The following IRF2 variants were observed in gnomAD, a reference collection of about 807,000 sequenced individuals.
The protein encoded by IRF2 is interferon regulatory factor 2.
In IRF2, 15 loss-of-function variants were observed where a neutral mutation model predicts 40.6. The observed-to-expected ratio is 0.37, with a 90% CI of 0.25 to 0.57. The LOEUF is 0.57. Among genes scored for constraint, IRF2 ranks in the 20% least tolerant of loss-of-function variants. IRF2 has a pLI of 0.77. For synonymous variants in IRF2, 151 were observed against 165.5 expected, an observed-to-expected ratio of 0.91 and a Z score of 0.67; for missense variants, 317 against 455.7, an observed-to-expected ratio of 0.70 and a Z score of 2.77.
intron 6 of IRF2, among the ~76,000 whole-genome samples, chr4:184,402,235 G>C (rs748017843): frequency 7.2e-5 from 11 of 152,220 alleles, no homozygotes; most frequent in Non-Finnish European, 1.5e-4. Context: ...GAGAAGTGGG[G>C]TGTTTTTTCC....
chr4:184,430,938 C>G (rs1365679916), intron 1 of IRF2, among the ~76,000 whole-genome samples: 1 of 152,168 alleles, frequency 6.6e-6, no homozygotes, highest in Non-Finnish European at 1.5e-5. Flanking sequence ...TCAAGCAGTC[C>G]TCCCACCTTG....
At chr4:184,395,281 T>C (rs543274637) in intron 7 of IRF2, among the ~76,000 whole-genome samples, 10 of 151,890 alleles carry the variant, frequency 6.6e-5, no homozygotes, top group East Asian at 3.9e-4. Context: ...GGCTTGGTTG[T>C]GGGTGCCTGT....
chr4:184,422,778 C>T (rs758372933), intron 2 of IRF2, among the ~76,000 whole-genome samples: 2 of 152,122 alleles, frequency 1.3e-5, no homozygotes, highest in African/African-American at 4.8e-5. Flanking sequence ...AGACAGAGAG[C>T]AGATTACTGG....
intron 1 of IRF2, among the ~76,000 whole-genome samples, chr4:184,451,599 A>C (rs1436562132): frequency 6.6e-6 from 1 of 152,194 alleles, no homozygotes; most frequent in African/African-American, 2.4e-5. Context: ...CTTCATCTTC[A>C]GGGGTATTCT....
chr4:184,438,072 T>C (rs1738154069), intron 1 of IRF2, among the ~76,000 whole-genome samples: 1 of 152,198 alleles, frequency 6.6e-6, no homozygotes, highest in Non-Finnish European at 1.5e-5. Flanking sequence ...CCATCATTAA[T>C]ACCATTCCAG....
chr4:184,413,786 G>A lies in IRF2; in HGVS notation c.411+4381C>T, dbSNP rs905160758. 3.3e-5 allele frequency among the ~76,000 whole-genome samples: 5 copies of A among 152,146 alleles called. No individual in the cohort carries two copies. The highest frequency in any genetic ancestry group is 6.5e-5 in the Admixed American group (1 of 15,274). On this transcript the variant is annotated intron_variant, in intron 5 of 8. Transcript: ENST00000393593. The surrounding 1 kb of genome is among the most constrained non-coding windows in gnomAD (Gnocchi z 4.2). Reference sequence around the variant, plus strand: ...ATGTTTCAGCTGCAAACAACCCTCCGAAGCAGGAAGTACCCATTTCTATTC... The same window carrying A: ...ATGTTTCAGCTGCAAACAACCCTCCAAAGCAGGAAGTACCCATTTCTATTC...
At chr4:184,471,507 A>G (rs1739513015) in intron 1 of IRF2, among the ~76,000 whole-genome samples, 1 of 152,248 alleles carries the variant, frequency 6.6e-6, no homozygotes, top group Non-Finnish European at 1.5e-5. Context: ...ACTATAACCC[A>G]GATACTCCAT....
At chr4:184,429,193 C>A in intron 1 of IRF2, 123 bp from the exon 2 acceptor site, 2 of 444,898 alleles carry the variant, frequency 4.5e-6, no homozygotes, top group Middle Eastern at 7.0e-4. Flanking sequence ...GACCAGGGGG[C>A]TGGGGGGTCG....
chr4:184,468,503 A>AG, intron 1 of IRF2, among the ~76,000 whole-genome samples: 1 of 151,866 alleles, frequency 6.6e-6, no homozygotes, highest in Non-Finnish European at 1.5e-5. Flanking sequence ...AGAAAAAAAA[A>AG]GGAAAATTCA....
At chr4:184,471,593 G>C (rs35541580) in intron 1 of IRF2, among the ~76,000 whole-genome samples, 30,865 of 152,204 alleles carry the variant, frequency 0.2, 3,664 homozygotes, top group South Asian at 0.32. Context: ...AGTTTTGTAC[G>C]AGATGATGTT....
intron 2 of IRF2, among the ~76,000 whole-genome samples, chr4:184,424,457 T>C (rs763965551): frequency 2.0e-5 from 3 of 152,178 alleles, no homozygotes; most frequent in African/African-American, 4.8e-5. Context: ...CCTGCCCTCA[T>C]GAATGGATTA....
At chr4:184,423,466 T>C (rs1416362379) in intron 2 of IRF2, among the ~76,000 whole-genome samples, 1 of 152,180 alleles carries the variant, frequency 6.6e-6, no homozygotes, top group Non-Finnish European at 1.5e-5. Context: ...TTGCAAGACG[T>C]TCCAATTAGT....
intron 1 of IRF2, chr4:184,472,644 A>T (rs1328135560): frequency 6.6e-6 from 1 of 152,164 alleles, no homozygotes; most frequent in Non-Finnish European, 1.5e-5. Context: ...ATAACCAAGG[A>T]CAAGGAGCAA....
intron 5 of IRF2, among the ~76,000 whole-genome samples, chr4:184,410,907 G>T (rs1451911208): frequency 6.6e-6 from 1 of 152,086 alleles, no homozygotes; most frequent in Non-Finnish European, 1.5e-5. Context: ...GCTACTTTTA[G>T]CCTGCAGAGA....
At chr4:184,422,817 G>C (rs1166353888) in intron 2 of IRF2, among the ~76,000 whole-genome samples, 1 of 152,190 alleles carries the variant, frequency 6.6e-6, no homozygotes, top group Non-Finnish European at 1.5e-5. Flanking sequence ...GAGGGAAATG[G>C]GAAGTGACTG....
At chr4:184,441,714 G>C (rs563679026) in intron 1 of IRF2, among the ~76,000 whole-genome samples, 2 of 152,312 alleles carry the variant, frequency 1.3e-5, no homozygotes, top group African/African-American at 4.8e-5. Context: ...CAATAGCTAA[G>C]GAGTATTAAG....
At chr4:184,394,191 A>C (rs1736362243) in intron 7 of IRF2, among the ~76,000 whole-genome samples, 1 of 148,008 alleles carries the variant, frequency 6.8e-6, no homozygotes, top group Non-Finnish European at 1.5e-5. Flanking sequence ...TTCTGGTCTC[A>C]GTTTTCCTGA....
chr4:184,469,398 C>T (rs1252162484), intron 1 of IRF2, among the ~76,000 whole-genome samples: 3 of 152,178 alleles, frequency 2.0e-5, no homozygotes, highest in African/African-American at 4.8e-5. Context: ...GCACTAGGGC[C>T]GGGTGCAGTG....
At chr4:184,423,785 G>A (rs908854680) in intron 2 of IRF2, among the ~76,000 whole-genome samples, 17 of 151,928 alleles carry the variant, frequency 1.1e-4, no homozygotes, top group Non-Finnish European at 2.1e-4. Context: ...TGGCGAGAAG[G>A]AAAAAAACAG....
Sources: allele counts gnomAD v4.1 joint callset (sites outside exome capture counted in the v4.1 genomes callset), GRCh38; gene constraint gnomAD v4.1.1; non-coding constraint Gnocchi (gnomAD v3.1); transcripts MANE v1.5; gene names NCBI Gene and HGNC (gene_info 2026-07-23, HGNC 2026-07-21).